The following FUT8 variants were observed in gnomAD, a reference collection of about 807,000 sequenced individuals.
FUT8 encodes alpha-(1,6)-fucosyltransferase.
Under a neutral mutation model 71.3 loss-of-function variants are expected in FUT8, and 29 were observed. The ratio of observed to expected loss-of-function variants is 0.41; its 90% CI spans 0.30 to 0.55. The LOEUF (loss-of-function observed/expected upper bound fraction) is 0.55, where lower values mean the gene tolerates loss of function less well. FUT8 is among the 20% of genes least tolerant of loss of function. FUT8 has a pLI of 0.34. For synonymous variants in FUT8, 254 were observed against 239.3 expected (o/e 1.06, Z -0.57); for missense variants, 544 against 702.1 (o/e 0.77, Z 2.55).
chr14:65,696,890 T>A (rs971107925), intron 7 of FUT8, among the ~76,000 whole-genome samples: 3 of 152,172 alleles, frequency 2.0e-5, no homozygotes, highest in African/African-American at 4.8e-5. Context: ...TTTTAGCATT[T>A]AAAAAAAATT....
upstream of FUT8, among the ~76,000 whole-genome samples, chr14:65,405,888 G>A (rs1424876568): frequency 6.6e-6 from 1 of 152,212 alleles, no homozygotes; most frequent in East Asian, 1.9e-4. Context: ...ACATTCTGGA[G>A]GAATGGGTTC....
chr14:65,491,531 G>A (rs2066482203), intron 2 of FUT8, among the ~76,000 whole-genome samples: 1 of 152,112 alleles, frequency 6.6e-6, no homozygotes, highest in South Asian at 2.1e-4. Context: ...TTGAACAGAA[G>A]CCATTTCAGA....
chr14:65,643,818 C>T lies in FUT8; in HGVS notation c.597+14212C>T, dbSNP rs1447822338. Among the ~76,000 whole-genome samples the T allele has an allele frequency of 1.3e-5, 2 of 151,978 alleles. No individual in the cohort carries two copies. The highest frequency in any genetic ancestry group is 2.9e-5 in the Non-Finnish European group (2 of 68,014). On this transcript the variant is annotated intron_variant, in intron 6 of 10. Coordinates refer to ENST00000673929, the MANE Select transcript of FUT8 (RefSeq NM_001371533.1). The surrounding 1 kb of genome is among the most constrained non-coding windows in gnomAD (Gnocchi z 4.5). ...TTAACTTTCTTGAATATACGTTGAA[C>T]TTAAATTCAAATTTCTTTAATTTAG...
chr14:65,525,817 G>A (rs553031364), intron 2 of FUT8, among the ~76,000 whole-genome samples: 9 of 152,068 alleles, frequency 5.9e-5, no homozygotes, highest in South Asian at 2.1e-4. Flanking sequence ...ATTTCGTTAC[G>A]TACCCAGTAG....
intron 1 of FUT8, among the ~76,000 whole-genome samples, chr14:65,423,566 T>C (rs2065335068): frequency 6.6e-6 from 1 of 152,132 alleles, no homozygotes; most frequent in Non-Finnish European, 1.5e-5. Context: ...CCGGCCTAAG[T>C]GAATGATTTT....
At chr14:65,575,614 CCTTCCTTCCT>C (rs1363056619) in intron 3 of FUT8, among the ~76,000 whole-genome samples, 4 of 119,900 alleles carry the variant, frequency 3.3e-5, no homozygotes, top group African/African-American at 5.8e-5. Flanking sequence ...TTCCTTCCTT[CCTTCCTTCCT>C]CTTTTTTTTT....
the FUT8 span, among the ~76,000 whole-genome samples, chr14:65,376,135 G>C: frequency 4.6e-5 from 7 of 151,824 alleles, no homozygotes; most frequent in African/African-American, 1.4e-4. Flanking sequence ...AAGAAAAGGT[G>C]TGTATTCTGG....
chr14:65,359,911 C>T, the FUT8 span, among the ~76,000 whole-genome samples: 3 of 152,274 alleles, frequency 2.0e-5, no homozygotes, highest in South Asian at 2.1e-4. Flanking sequence ...TCGCAATCTC[C>T]GCCTCCCGCC....
chr14:65,477,028 C>T (rs1218397636), intron 2 of FUT8, among the ~76,000 whole-genome samples: 1 of 152,134 alleles, frequency 6.6e-6, no homozygotes, highest in Non-Finnish European at 1.5e-5. Flanking sequence ...AAGTTTTTCT[C>T]TACTTAAATA....
intron 7 of FUT8, among the ~76,000 whole-genome samples, chr14:65,670,643 C>A (rs566354880): frequency 1.3e-5 from 2 of 152,114 alleles, no homozygotes; most frequent in Non-Finnish European, 2.9e-5. Context: ...CCTTTTTTCA[C>A]GAGCTACAAC....
chr14:65,561,626 G>C lies in FUT8; in HGVS notation c.63G>C (p.Leu21Phe). The C allele has an allele frequency of 6.2e-7, 1 of 1,613,428 alleles. No homozygotes were observed. The highest frequency in any genetic ancestry group is 8.5e-7 in the Non-Finnish European group (1 of 1,179,594). ...IMLILFAWGT[L>F]LFYIGGHLVR... ...TCATTCTTTTTGCCTGGGGGACCTT[G>C]CTGTTTTATATAGGTGGTCACTTGG... Residue 21 changes from leucine to phenylalanine, a missense_variant, in exon 3 of 11, where the codon TTG (leucine) becomes TTC (phenylalanine). Coordinates refer to ENST00000673929, the MANE Select transcript of FUT8 (RefSeq NM_001371533.1).
intron 7 of FUT8, among the ~76,000 whole-genome samples, chr14:65,717,740 C>T (rs1594933169): frequency 6.9e-6 from 1 of 144,998 alleles, no homozygotes. Context: ...CGCTCCTCAC[C>T]TCTCAGACGG....
intron 1 of FUT8, among the ~76,000 whole-genome samples, chr14:65,415,903 T>C (rs1195380934): frequency 1.3e-5 from 2 of 152,202 alleles, no homozygotes; most frequent in African/African-American, 4.8e-5. Context: ...TAAATTAGTA[T>C]GTTAATTTAC....
At chr14:65,369,857 T>G in the FUT8 span, among the ~76,000 whole-genome samples, 1 of 152,214 alleles carries the variant, frequency 6.6e-6, no homozygotes, top group African/African-American at 2.4e-5. The surrounding 1 kb of genome is among the most constrained non-coding windows in gnomAD (Gnocchi z 4.6). Context: ...CCCATGCCAC[T>G]GATCTGTCTA....
intron 2 of FUT8, among the ~76,000 whole-genome samples, chr14:65,505,898 T>C (rs2066725977): frequency 6.6e-6 from 1 of 152,172 alleles, no homozygotes; most frequent in South Asian, 2.1e-4. Flanking sequence ...GGAAAACTTA[T>C]TTGTCCAACT....
At chr14:65,395,351 C>T in the FUT8 span, among the ~76,000 whole-genome samples, 1 of 152,252 alleles carries the variant, frequency 6.6e-6, no homozygotes, top group South Asian at 2.1e-4. Context: ...CCACATTTCC[C>T]TTCTGCACTG....
At chr14:65,516,334 C>CA (rs1345861387) in intron 2 of FUT8, 1 of 151,928 alleles carries the variant, frequency 6.6e-6, no homozygotes, top group Non-Finnish European at 1.5e-5. Context: ...AAAATAAAAT[C>CA]AAAACTTAGT....
In FUT8 at chr14:65,496,413, C is replaced by T. The variant is rs377032300; in HGVS notation, c.-228+40695C>T. ...TATCTGATATGGTTAGACTTTGTCT[C>T]CTCACCCAAATCTCATCTTGAATTG... On this transcript the variant is annotated intron_variant, in intron 2 of 10. Transcript: ENST00000673929. Among the ~76,000 whole-genome samples, 5 of 152,232 alleles carry T rather than the reference C, an allele frequency of 3.3e-5. No individual in the cohort carries two copies. In the East Asian group the frequency reaches 7.7e-4, roughly 23 times the overall value.
At chr14:65,736,682 T>A in intron 10 of FUT8, among the ~76,000 whole-genome samples, 1 of 152,016 alleles carries the variant, frequency 6.6e-6, no homozygotes, top group East Asian at 1.9e-4. Flanking sequence ...CCTATATATG[T>A]CATAAGCATT....
Sources: allele counts gnomAD v4.1 joint callset (sites outside exome capture counted in the v4.1 genomes callset), GRCh38; gene constraint gnomAD v4.1.1; non-coding constraint Gnocchi (gnomAD v3.1); transcripts MANE v1.5; gene names NCBI Gene and HGNC (gene_info 2026-07-23, HGNC 2026-07-21).